The following GRM7 variants were observed in gnomAD, a reference collection of about 807,000 sequenced individuals.
GRM7 encodes glutamate metabotropic receptor 7, also known as metabotropic glutamate receptor 7.
Under a neutral mutation model 84.5 loss-of-function variants are expected in GRM7, and 35 were observed. The observed-to-expected ratio is 0.41, with a 90% CI of 0.32 to 0.55. GRM7 has a LOEUF of 0.55. Among genes scored for constraint, GRM7 ranks in the 20% least tolerant of loss-of-function variants. The probability of loss-of-function intolerance (pLI) is 0.19; values close to 1 mark genes in which losing one functional copy is unlikely to be tolerated. For synonymous variants in GRM7, 487 were observed against 455.1 expected, an observed-to-expected ratio of 1.07 and a Z score of -0.89; for missense variants, 1,003 against 1,194.6, an observed-to-expected ratio of 0.84 and a Z score of 2.36.
chr3:7,112,471 G>A (rs1176472203), intron 1 of GRM7, among the ~76,000 whole-genome samples: 1 of 152,070 alleles, frequency 6.6e-6, no homozygotes, highest in Non-Finnish European at 1.5e-5. Context: ...TGATCTGCCT[G>A]CTTCGGCCTC....
intron 1 of GRM7, among the ~76,000 whole-genome samples, chr3:6,914,301 TC>T (rs1696869882): frequency 6.6e-6 from 1 of 152,198 alleles, no homozygotes; most frequent in Non-Finnish European, 1.5e-5. Context: ...GCTTCCACAG[TC>T]ATATATTCTA....
intron 4 of GRM7, among the ~76,000 whole-genome samples, chr3:7,383,029 C>A (rs548495539): frequency 6.6e-6 from 1 of 152,268 alleles, no homozygotes; most frequent in South Asian, 2.1e-4. Context: ...TGATTTTTCT[C>A]GTGCTCCTTA....
chr3:7,259,382 G>T (rs1415346992), intron 2 of GRM7, among the ~76,000 whole-genome samples: 1 of 152,028 alleles, frequency 6.6e-6, no homozygotes, highest in Admixed American at 6.6e-5. Flanking sequence ...TCATCATCCA[G>T]GTACTAAGCC....
intron 1 of GRM7, among the ~76,000 whole-genome samples, chr3:6,987,218 T>C (rs927377586): frequency 6.6e-6 from 1 of 152,196 alleles, no homozygotes; most frequent in African/African-American, 2.4e-5. Context: ...GATACAGGCA[T>C]GCACTGCTTG....
rs188188469 is a variant in GRM7, at chr3:7,713,905, T to C, written c.2699-26452T>C. ...GGAAACACACATTTAGTTAAGTAGCTGATGGGAACAAAAACAAGGGCATTC... is the reference window on the plus strand; with the variant it reads ...GGAAACACACATTTAGTTAAGTAGCCGATGGGAACAAAAACAAGGGCATTC... On this transcript the variant is annotated intron_variant, in intron 9 of 9. Coordinates refer to ENST00000357716, the MANE Select transcript of GRM7 (RefSeq NM_000844.4). Among the ~76,000 whole-genome samples, 3 of 149,654 alleles carry C rather than the reference T, an allele frequency of 2.0e-5. No homozygotes were observed. The East Asian group carries it at 6.0e-4, about 30-fold the overall frequency.
At chr3:7,143,835 A>C (rs1694025683) in intron 1 of GRM7, among the ~76,000 whole-genome samples, 1 of 152,118 alleles carries the variant, frequency 6.6e-6, no homozygotes, top group Admixed American at 6.6e-5. Flanking sequence ...AAATGCATTG[A>C]CATGTTTGGC....
At position 7,184,491 on chromosome 3, in the gene GRM7, T is replaced by C. The variant is rs138271197; in HGVS notation, c.736+37823T>C. The stretch of plus-strand genomic sequence containing the variant: ...TATTAATTGTTCCACTGCTTAATGA[T>C]AAATACTATTAACATTGTGGTATAT... On this transcript the variant is annotated intron_variant, in intron 2 of 9. Coordinates refer to ENST00000357716, the MANE Select transcript of GRM7 (RefSeq NM_000844.4). 2.6e-5 allele frequency among the ~76,000 whole-genome samples: 4 copies of C among 152,292 alleles called. 1 individual carries two copies. The highest frequency in any genetic ancestry group is 4.8e-5 in the African/African-American group (2 of 41,580).
At chr3:6,998,986 T>C (rs868680482) in intron 1 of GRM7, among the ~76,000 whole-genome samples, 28 of 152,338 alleles carry the variant, frequency 1.8e-4, no homozygotes, top group Middle Eastern at 3.4e-3. Context: ...TTTGGCTCCA[T>C]GTTACTTCTG....
intron 2 of GRM7, among the ~76,000 whole-genome samples, chr3:7,159,257 C>T (rs1464697296): frequency 3.9e-5 from 6 of 151,972 alleles, no homozygotes; most frequent in Admixed American, 2.0e-4. Flanking sequence ...GATCTGTTAA[C>T]GTGAAATACA....
chr3:7,529,230 A>G (rs1236972578), intron 7 of GRM7, among the ~76,000 whole-genome samples: 1 of 152,106 alleles, frequency 6.6e-6, no homozygotes, highest in East Asian at 1.9e-4. Flanking sequence ...TTAGTCATCA[A>G]ATAATTATTG....
chr3:7,314,515 C>T (rs1285377035), intron 4 of GRM7, among the ~76,000 whole-genome samples: 2 of 152,088 alleles, frequency 1.3e-5, no homozygotes, highest in Non-Finnish European at 2.9e-5. Flanking sequence ...TCTTTGCTAA[C>T]GTATGAATTT....
chr3:7,610,469 A>AT (rs1211657491), intron 8 of GRM7, among the ~76,000 whole-genome samples: 11 of 152,218 alleles, frequency 7.2e-5, no homozygotes, highest in Admixed American at 1.3e-4. Context: ...CTGTGGTGTC[A>AT]TAAGGTATTT....
At chr3:7,443,499 A>G (rs1697378282) in intron 5 of GRM7, among the ~76,000 whole-genome samples, 1 of 151,992 alleles carries the variant, frequency 6.6e-6, no homozygotes, top group Non-Finnish European at 1.5e-5. Context: ...ATTTTTTTGT[A>G]ATCTAAATAT....
In GRM7 at chr3:7,461,573, TC is replaced by T; in HGVS notation, c.1376-9del. On this transcript the variant is annotated splice_polypyrimidine_tract_variant and intron_variant, in intron 6 of 9. Coordinates refer to ENST00000357716, the MANE Select transcript of GRM7 (RefSeq NM_000844.4). ...ACTTTAGAATCTTTCATTTTTTCTG[TC>T]TTCCTTAGGTAGTGCTGGCACTCCA... 6.2e-7 allele frequency: 1 copy of T among 1,607,922 alleles called. No homozygotes were observed. Among genetic ancestry groups the T allele is most frequent in the Non-Finnish European group, 8.5e-7 (1 of 1,174,590 alleles).
At chr3:7,656,547 G>GCACACACACACACACACACA in intron 8 of GRM7, among the ~76,000 whole-genome samples, 1 of 139,300 alleles carries the variant, frequency 7.2e-6, no homozygotes, top group East Asian at 2.1e-4. Context: ...ATACGCGCGC[G>GCACACACACACACACACACA]CACACACACA....
chr3:7,325,622 A>G (rs926677552), intron 4 of GRM7, among the ~76,000 whole-genome samples: 1 of 152,198 alleles, frequency 6.6e-6, no homozygotes, highest in African/African-American at 2.4e-5. Context: ...AAAGGAGACC[A>G]GCGGAGTACC....
chr3:7,184,968 C>A (rs1695465608), intron 2 of GRM7, among the ~76,000 whole-genome samples: 1 of 152,020 alleles, frequency 6.6e-6, no homozygotes, highest in African/African-American at 2.4e-5. Flanking sequence ...GTGTATTAGC[C>A]ACCATGCTGA....
intron 1 of GRM7, among the ~76,000 whole-genome samples, chr3:6,876,768 A>C (rs954378569): frequency 6.6e-6 from 1 of 151,802 alleles, no homozygotes; most frequent in Non-Finnish European, 1.5e-5. Context: ...CGCCCAGCTA[A>C]TTTTTGTATT....
At chr3:7,127,608 G>A (rs1300181751) in intron 1 of GRM7, among the ~76,000 whole-genome samples, 1 of 151,986 alleles carries the variant, frequency 6.6e-6, no homozygotes, top group Non-Finnish European at 1.5e-5. Context: ...ATACTAACTG[G>A]GAAGGTGCAT....
Sources: gnomAD v4.1 joint callset for allele counts (sites outside exome capture counted in the v4.1 genomes callset) on GRCh38, gnomAD v4.1.1 for gene constraint, MANE v1.5 for transcripts, NCBI Gene and HGNC (gene_info 2026-07-23, HGNC 2026-07-21) for gene names.